SGCZ: variants seen among roughly 807,000 people sequenced by gnomAD.
The protein encoded by SGCZ is zeta-sarcoglycan.
A neutral mutation model predicts 41.3 loss-of-function variants in SGCZ; 40 were observed. The observed-to-expected ratio is 0.97, with a 90% confidence interval of 0.75 to 1.26. The LOEUF (loss-of-function observed/expected upper bound fraction) is 1.26, where lower values mean the gene tolerates loss of function less well. Ranked by LOEUF, SGCZ falls within the 50% of genes most tolerant of loss-of-function variation. The pLI, the probability that SGCZ is intolerant of heterozygous loss-of-function variation, is 0.00. For missense variants in SGCZ, 552 were observed against 369.8 expected (o/e 1.49, Z -4.04); for synonymous variants, 206 against 137.5 (o/e 1.50, Z -3.49).
chr8:14,196,019 A>T (rs530786965), intron 4 of SGCZ, among the ~76,000 whole-genome samples: 5 of 152,238 alleles, frequency 3.3e-5, no homozygotes, highest in Admixed American at 6.6e-5. Context: ...TAATCTATTT[A>T]AAAATGACAG....
chr8:14,604,539 A>G (rs997662971), intron 1 of SGCZ, among the ~76,000 whole-genome samples: 1 of 152,180 alleles, frequency 6.6e-6, no homozygotes, highest in Non-Finnish European at 1.5e-5. Context: ...AACAATGTAC[A>G]CTGACTTTTA....
intron 1 of SGCZ, among the ~76,000 whole-genome samples, chr8:15,141,745 T>C (rs1808328543): frequency 1.3e-5 from 2 of 152,026 alleles, no homozygotes; most frequent in Non-Finnish European, 2.9e-5. Flanking sequence ...CTACCAAAAC[T>C]ACAAAAATCA....
chr8:14,110,864 C>T (rs1175800527), intron 5 of SGCZ, among the ~76,000 whole-genome samples: 1 of 152,014 alleles, frequency 6.6e-6, no homozygotes, highest in Non-Finnish European at 1.5e-5. Context: ...ATCAGCCTGT[C>T]CAACAGGGCA....
At position 14,873,100 on chromosome 8, in the gene SGCZ, C is replaced by T. The variant is rs143315321; in HGVS notation, c.40-318174G>A. 1.4e-3 allele frequency among the ~76,000 whole-genome samples: 218 copies of T among 152,164 alleles called. 3 individuals are homozygous for T. In the East Asian group the frequency reaches 0.029, roughly 20 times the overall value. On this transcript the variant is annotated intron_variant, in intron 1 of 7. Transcript: ENST00000382080. ...GTAATAGAAACGATTTTAATAACAG[C>T]AGTTACTTAATAATGGAGTGAAGTG...
At chr8:15,129,595 G>T (rs1807823660) in intron 1 of SGCZ, among the ~76,000 whole-genome samples, 4 of 148,904 alleles carry the variant, frequency 2.7e-5, no homozygotes. Flanking sequence ...CTTATTACTT[G>T]AGAAAAGTGC....
intron 1 of SGCZ, among the ~76,000 whole-genome samples, chr8:15,010,046 T>C (rs1482531439): frequency 1.3e-5 from 2 of 152,148 alleles, no homozygotes; most frequent in Admixed American, 1.3e-4. Flanking sequence ...TTCTGCTACC[T>C]TTAATACAAA....
intron 2 of SGCZ, among the ~76,000 whole-genome samples, chr8:14,425,556 C>T (rs1178290563): frequency 1.3e-5 from 2 of 151,500 alleles, no homozygotes; most frequent in African/African-American, 4.9e-5. Context: ...ACGAGGCAGA[C>T]GTTGCAGTGA....
chr8:14,149,256 G>C (rs901304668), intron 5 of SGCZ, among the ~76,000 whole-genome samples: 12 of 152,048 alleles, frequency 7.9e-5, no homozygotes, highest in Admixed American at 1.3e-4. Context: ...CTTGTTTGCA[G>C]ATTATATGAT....
At chr8:14,248,407 T>C (rs1211115782) in intron 3 of SGCZ, among the ~76,000 whole-genome samples, 1 of 152,148 alleles carries the variant, frequency 6.6e-6, no homozygotes. Context: ...CCCAGATGCG[T>C]ATTTGTATAT....
intron 5 of SGCZ, among the ~76,000 whole-genome samples, chr8:14,153,921 TCTCACA>T (rs1028937888): frequency 3.4e-5 from 4 of 117,100 alleles, no homozygotes; most frequent in Admixed American, 1.8e-4. Context: ...TCTCTCTCTC[TCTCACA>T]CACACACACA....
chr8:14,656,881 A>G (rs1807595122), intron 1 of SGCZ, among the ~76,000 whole-genome samples: 1 of 152,034 alleles, frequency 6.6e-6, no homozygotes, highest in Non-Finnish European at 1.5e-5. Context: ...GACCCTACAG[A>G]TAAGTATTAA....
At chr8:14,128,192 T>TA (rs937844467) in intron 5 of SGCZ, among the ~76,000 whole-genome samples, 1 of 152,126 alleles carries the variant, frequency 6.6e-6, no homozygotes, top group African/African-American at 2.4e-5. Context: ...CTACCACCAT[T>TA]AAAAAATGGG....
At position 15,032,272 on chromosome 8, in the gene SGCZ, C is replaced by G. The variant is rs1803702216; in HGVS notation, c.39+205313G>C. Among the ~76,000 whole-genome samples the G allele has an allele frequency of 2.0e-5, 3 of 152,036 alleles. No individual in the cohort carries two copies. The East Asian group carries it at 5.8e-4, about 29-fold the overall frequency. ...GAAACCAAGTGAGAGATCACAGCAC[C>G]TGGGTGTAGCAAAGAAATAAAAAAG... On this transcript the variant is annotated intron_variant, in intron 1 of 7. Coordinates refer to ENST00000382080, the MANE Select transcript of SGCZ (RefSeq NM_139167.4).
intron 5 of SGCZ, among the ~76,000 whole-genome samples, chr8:14,139,268 G>T (rs745990758): frequency 6.6e-6 from 1 of 151,954 alleles, no homozygotes; most frequent in South Asian, 2.1e-4. Flanking sequence ...ACATCCTAAC[G>T]TCACAATTAA....
chr8:14,102,634 A>C, intron 6 of SGCZ, 135 bp from the exon 7 acceptor site: 1 of 814,134 alleles, frequency 1.2e-6, no homozygotes, highest in Non-Finnish European at 1.6e-6. Flanking sequence ...ATAAAGGAAA[A>C]GTCCTACCAT....
chr8:14,115,682 T>G (rs996874908), intron 5 of SGCZ, among the ~76,000 whole-genome samples: 1 of 151,970 alleles, frequency 6.6e-6, no homozygotes, highest in Non-Finnish European at 1.5e-5. Context: ...AATTTTTTTT[T>G]GTATAACCCT....
intron 3 of SGCZ, among the ~76,000 whole-genome samples, chr8:14,283,200 A>T (rs1297556580): frequency 2.0e-5 from 3 of 152,124 alleles, no homozygotes; most frequent in Non-Finnish European, 4.4e-5. Context: ...AGATTAAAAA[A>T]ATACCAATCT....
At chr8:14,658,448 C>G (rs1334728253) in intron 1 of SGCZ, among the ~76,000 whole-genome samples, 2 of 152,070 alleles carry the variant, frequency 1.3e-5, no homozygotes, top group Non-Finnish European at 2.9e-5. Context: ...TCTCATCATT[C>G]TAAGCTTCAG....
chr8:14,934,936 A>G (rs1265751674), intron 1 of SGCZ, among the ~76,000 whole-genome samples: 1 of 151,328 alleles, frequency 6.6e-6, no homozygotes, highest in Non-Finnish European at 1.5e-5. Context: ...AAAAAAAATA[A>G]TCCTTCAAAG....
Sources: gnomAD v4.1 joint callset for allele counts (sites outside exome capture counted in the v4.1 genomes callset) on GRCh38, gnomAD v4.1.1 for gene constraint, MANE v1.5 for transcripts, NCBI Gene and HGNC (gene_info 2026-07-23, HGNC 2026-07-21) for gene names.